PSD3: variants seen among roughly 807,000 people sequenced by gnomAD.
The protein encoded by PSD3 is PH and SEC7 domain-containing protein 3.
Under a neutral mutation model 105.5 loss-of-function variants are expected in PSD3, and 49 were observed. The ratio of observed to expected loss-of-function variants is 0.46; its 90% CI spans 0.37 to 0.59. The LOEUF (loss-of-function observed/expected upper bound fraction) is 0.59. PSD3 is among the 20% of genes least tolerant of loss of function. The probability of loss-of-function intolerance (pLI) is 0.00; values close to 1 mark genes in which losing one functional copy is unlikely to be tolerated. For missense variants in PSD3, 1,561 were observed against 1,263.8 expected (o/e 1.24, Z -3.57); for synonymous variants, 557 against 457.8 (o/e 1.22, Z -2.77).
intron 9 of PSD3, among the ~76,000 whole-genome samples, chr8:18,759,963 A>G (rs1806374070): frequency 6.6e-6 from 1 of 150,978 alleles, no homozygotes. Context: ...AGAAATGCAG[A>G]GCAGATTCGA....
intron 9 of PSD3, among the ~76,000 whole-genome samples, chr8:18,691,090 C>T (rs922697380): frequency 3.3e-5 from 5 of 152,112 alleles, no homozygotes; most frequent in African/African-American, 1.2e-4. Context: ...TGGAGCATCA[C>T]ACGCTTTTGA....
At chr8:18,640,557 C>T (rs989613011) in intron 10 of PSD3, among the ~76,000 whole-genome samples, 1 of 152,168 alleles carries the variant, frequency 6.6e-6, no homozygotes, top group Non-Finnish European at 1.5e-5. Flanking sequence ...CTCCTTCCTG[C>T]CACCATGTGA....
Position 18,566,453 on chromosome 8 carries a change from G to C in PSD3, c.2784+6075C>G, listed in dbSNP as rs183404548. 6.1e-3 allele frequency among the ~76,000 whole-genome samples: 923 copies of C among 151,198 alleles called. 7 individuals are homozygous for C. Among genetic ancestry groups the C allele is most frequent in the African/African-American group, 0.022 (890 of 41,120 alleles). ...AGGCAGGAGAATGGCATGAACCCGG[G>C]AGGTGGGGATTGCAGTGAGCCGAGA... is the stretch of plus-strand genomic sequence containing the variant. On this transcript the variant is annotated intron_variant, in intron 14 of 15. Transcript: ENST00000327040.
At chr8:18,973,221 T>C (rs979595836) in intron 1 of PSD3, among the ~76,000 whole-genome samples, 3 of 152,100 alleles carry the variant, frequency 2.0e-5, no homozygotes, top group Admixed American at 6.5e-5. Flanking sequence ...GTGACAATGA[T>C]GAAGAGGCAA....
intron 1 of PSD3, among the ~76,000 whole-genome samples, chr8:18,971,876 G>T (rs1237089530): frequency 6.6e-6 from 1 of 152,032 alleles, no homozygotes; most frequent in African/African-American, 2.4e-5. Context: ...ATGGTGGCGG[G>T]TGCCTATAAT....
intron 15 of PSD3, among the ~76,000 whole-genome samples, chr8:18,543,466 A>C (rs989705804): frequency 1.3e-5 from 2 of 152,014 alleles, no homozygotes; most frequent in African/African-American, 4.8e-5. Flanking sequence ...AAATACAAAA[A>C]AATTAGCCAG....
intron 2 of PSD3, among the ~76,000 whole-genome samples, chr8:18,907,694 A>G (rs1022920678): frequency 1.3e-5 from 2 of 152,242 alleles, no homozygotes; most frequent in African/African-American, 4.8e-5. Flanking sequence ...GTGTTCAAAC[A>G]AGGGCGAAAT....
At chr8:19,044,410 G>T (rs1789462205) in intron 1 of PSD3, among the ~76,000 whole-genome samples, 1 of 152,046 alleles carries the variant, frequency 6.6e-6, no homozygotes, top group Non-Finnish European at 1.5e-5. Flanking sequence ...TCAATTCTAG[G>T]CTCTTCCTTA....
At chr8:19,062,969 G>A (rs1464730556) in intron 1 of PSD3, among the ~76,000 whole-genome samples, 3 of 152,166 alleles carry the variant, frequency 2.0e-5, no homozygotes, top group Non-Finnish European at 4.4e-5. Flanking sequence ...TGAAGGTGCC[G>A]ATAGGTATTT....
intron 1 of PSD3, among the ~76,000 whole-genome samples, chr8:19,065,095 T>G (rs1829032731): frequency 6.6e-6 from 1 of 152,196 alleles, no homozygotes; most frequent in South Asian, 2.1e-4. Flanking sequence ...CATAAGGAAG[T>G]CCCCTCTGTT....
chr8:18,964,004 C>G (rs183232133), intron 1 of PSD3, among the ~76,000 whole-genome samples: 1 of 152,186 alleles, frequency 6.6e-6, no homozygotes. Context: ...AGTAAGAAGA[C>G]AGCGCACACA....
chr8:18,717,012 T>C (rs1004346465), intron 9 of PSD3, among the ~76,000 whole-genome samples: 1 of 152,130 alleles, frequency 6.6e-6, no homozygotes, highest in Admixed American at 6.5e-5. Flanking sequence ...TAAGTTTTTT[T>C]CTAAAAAACA....
intron 14 of PSD3, among the ~76,000 whole-genome samples, chr8:18,566,851 C>T (rs1485579685): frequency 6.6e-6 from 1 of 152,132 alleles, no homozygotes; most frequent in Non-Finnish European, 1.5e-5. Flanking sequence ...AAAAATTATG[C>T]ATTCTATTTT....
At chr8:18,702,487 A>T (rs776428604) in intron 9 of PSD3, among the ~76,000 whole-genome samples, 2 of 152,214 alleles carry the variant, frequency 1.3e-5, no homozygotes, top group Non-Finnish European at 2.9e-5. Context: ...TTCTTTTGAC[A>T]CATATACACA....
At chr8:18,965,439 C>T (rs1416672546) in intron 1 of PSD3, among the ~76,000 whole-genome samples, 2 of 152,232 alleles carry the variant, frequency 1.3e-5, no homozygotes, top group Non-Finnish European at 2.9e-5. Context: ...GCCTTGTTCT[C>T]TCATCCCATT....
chr8:19,010,592 A>AGCTTGTG (rs1826907677), intron 1 of PSD3, among the ~76,000 whole-genome samples: 1 of 152,152 alleles, frequency 6.6e-6, no homozygotes, highest in African/African-American at 2.4e-5. Context: ...CTTAATTTGG[A>AGCTTGTG]GCTTGTGAAA....
At position 18,655,643 on chromosome 8, in the gene PSD3, C is replaced by A. The variant is rs759774299; in HGVS notation, c.2215G>T (p.Val739Leu). The change falls in exon 10 of 16, where the codon GTA becomes TTA. Residue 739 changes from valine to leucine, a missense_variant and splice_region_variant. Coordinates refer to ENST00000327040, the MANE Select transcript of PSD3 (RefSeq NM_015310.4). ...SIKNEKLEWA[V>L]DDEEKKKSPS... Reference sequence around the variant, plus strand: ...AAGGCTGACGTCCAGCACACTTACACTGCCCATTCAAGCTTCTCATTCTTG... The same window carrying A: ...AAGGCTGACGTCCAGCACACTTACAATGCCCATTCAAGCTTCTCATTCTTG... 1.9e-6 allele frequency: 3 copies of A among 1,613,778 alleles called. No homozygotes were observed. In the Admixed American group the frequency reaches 5.0e-5, roughly 27 times the overall value.
At chr8:19,016,382 A>T (rs1827179051), upstream of PSD3, among the ~76,000 whole-genome samples, 1 of 152,376 alleles carries the variant, frequency 6.6e-6, no homozygotes, top group East Asian at 1.9e-4. Context: ...GAAAAGGAAG[A>T]TGAAATTCCA....
At chr8:18,623,018 G>A (rs1054346244) in intron 11 of PSD3, among the ~76,000 whole-genome samples, 6 of 152,174 alleles carry the variant, frequency 3.9e-5, no homozygotes, top group Admixed American at 2.6e-4. Context: ...TAATGATGGC[G>A]ATCACAAAGT....
Sources: gnomAD v4.1 joint callset for allele counts (sites outside exome capture counted in the v4.1 genomes callset) on GRCh38, gnomAD v4.1.1 for gene constraint, MANE v1.5 for transcripts, NCBI Gene and HGNC (gene_info 2026-07-23, HGNC 2026-07-21) for gene names.